The following BANK1 variants were observed in gnomAD, a reference collection of about 807,000 sequenced individuals.
BANK1 encodes the protein B-cell scaffold protein with ankyrin repeats.
BANK1 carries 95 observed loss-of-function variants against 94.5 expected under a neutral mutation model. The observed-to-expected ratio is 1.00, with a 90% CI of 0.85 to 1.19. The LOEUF (loss-of-function observed/expected upper bound fraction) is 1.19, where lower values mean the gene tolerates loss of function less well. Ranked by LOEUF, BANK1 falls within the 50% of genes most tolerant of loss-of-function variation. The pLI, the probability that BANK1 is intolerant of heterozygous loss-of-function variation, is 0.00. For missense variants in BANK1, 987 were observed against 932.2 expected (o/e 1.06, Z -0.77); for synonymous variants, 334 against 308.4 (o/e 1.08, Z -0.87).
intron 7 of BANK1, among the ~76,000 whole-genome samples, chr4:102,014,469 C>CT (rs1276115279): frequency 6.6e-6 from 1 of 152,106 alleles, no homozygotes; most frequent in East Asian, 1.9e-4. Flanking sequence ...GAAATTATCT[C>CT]TTAGATTCTA....
intron 7 of BANK1, among the ~76,000 whole-genome samples, chr4:101,965,034 C>A (rs902263627): frequency 6.7e-6 from 1 of 148,898 alleles, no homozygotes; most frequent in African/African-American, 2.5e-5. Context: ...TTTGTTCTTG[C>A]GATAGTTTAC....
intron 5 of BANK1, among the ~76,000 whole-genome samples, chr4:101,878,991 C>CA (rs34061204): frequency 0.46 from 68,040 of 148,664 alleles, 16,660 homozygotes; most frequent in African/African-American, 0.65. Context: ...GTGCCTATGT[C>CA]AAAAAAAAAG....
intron 7 of BANK1, among the ~76,000 whole-genome samples, chr4:101,955,439 T>C (rs1724304563): frequency 6.6e-6 from 1 of 152,180 alleles, no homozygotes; most frequent in African/African-American, 2.4e-5. Flanking sequence ...CTTCCTTCTA[T>C]CTATAATACT....
intron 7 of BANK1, among the ~76,000 whole-genome samples, chr4:101,975,449 T>C (rs538792307): frequency 6.6e-6 from 1 of 152,290 alleles, no homozygotes; most frequent in Admixed American, 6.5e-5. Flanking sequence ...AGAGAGATTG[T>C]AGAATATGGT....
intron 7 of BANK1, among the ~76,000 whole-genome samples, chr4:101,971,370 T>G (rs1409977655): frequency 6.6e-6 from 1 of 152,086 alleles, no homozygotes; most frequent in African/African-American, 2.4e-5. Flanking sequence ...TGGTAAGACT[T>G]GAGATACAGC....
Position 102,060,265 on chromosome 4 carries a change from A to G in BANK1, c.2024A>G (p.Asp675Gly). 1 of 1,608,056 alleles carries G rather than the reference A, an allele frequency of 6.2e-7. No individual in the cohort carries two copies. Among genetic ancestry groups the G allele is most frequent in the Non-Finnish European group, 8.5e-7 (1 of 1,178,122 alleles). ...TCTACTCTCAGGGGCTGTCTAACTG[A>G]TGGTCAGGAAGAACTCATCCTCCTG... ...AFSTLRGCLTDGQEELILLQE... is the reference protein window; with the variant it reads ...AFSTLRGCLTGGQEELILLQE... The change falls in exon 12 of 17, where the codon GAT becomes GGT. Residue 675 changes from aspartate (D) to glycine (G), a missense_variant. By Grantham distance (94) the Asp-to-Gly change is moderately conservative (BLOSUM62 -1). Transcript: ENST00000322953.
intron 7 of BANK1, among the ~76,000 whole-genome samples, chr4:101,934,446 A>G (rs1723460145): frequency 6.6e-6 from 1 of 151,472 alleles, no homozygotes; most frequent in African/African-American, 2.4e-5. Context: ...GAAACTCTTC[A>G]TCCCTTTGAT....
intron 7 of BANK1, among the ~76,000 whole-genome samples, chr4:101,973,122 A>C (rs2148923946): frequency 6.6e-6 from 1 of 152,048 alleles, no homozygotes; most frequent in African/African-American, 2.4e-5. Flanking sequence ...GTACATTCCA[A>C]ATTTTCTAAG....
chr4:101,862,693 A>G (rs1727926644), intron 4 of BANK1, 29 bp downstream of exon 4: 1 of 1,565,782 alleles, frequency 6.4e-7, no homozygotes, highest in Admixed American at 2.0e-5. Flanking sequence ...TAATAAGCAT[A>G]AAACATTATC....
intron 5 of BANK1, among the ~76,000 whole-genome samples, chr4:101,890,335 TG>T (rs1338880730): frequency 3.3e-5 from 5 of 152,070 alleles, no homozygotes; most frequent in East Asian, 3.9e-4. Flanking sequence ...TCACATTTTT[TG>T]AAGTTTTGTT....
At chr4:101,811,500 G>T (rs1284169047) in intron 1 of BANK1, among the ~76,000 whole-genome samples, 2 of 151,970 alleles carry the variant, frequency 1.3e-5, no homozygotes. Flanking sequence ...ATATACTGCA[G>T]CCCTCCACTC....
At chr4:101,815,624 C>A (rs1560585045) in intron 1 of BANK1, among the ~76,000 whole-genome samples, 1 of 151,966 alleles carries the variant, frequency 6.6e-6, no homozygotes, top group Non-Finnish European at 1.5e-5. Context: ...GGATCAAGTT[C>A]TGACTTTATA....
chr4:102,054,250 G>GTT lies in BANK1; in HGVS notation c.1970-5961_1970-5960insTT, dbSNP rs1426069193. ...TTTGAACTCAATTCTGTTATACTCT[G>GTT]AAGGCCAAACTTGTAATCACCTTCT... is the stretch of plus-strand genomic sequence containing the variant. On this transcript the variant is annotated intron_variant, in intron 11 of 16. Coordinates refer to ENST00000322953, the MANE Select transcript of BANK1 (RefSeq NM_017935.5). Among the ~76,000 whole-genome samples the GTT allele has an allele frequency of 1.9e-4, 29 of 152,206 alleles. 1 individual carries two copies. The South Asian group carries it at 6.0e-3, about 31-fold the overall frequency.
chr4:101,886,014 A>T (rs1036368388), intron 5 of BANK1, among the ~76,000 whole-genome samples: 2 of 152,240 alleles, frequency 1.3e-5, no homozygotes, highest in Non-Finnish European at 2.9e-5. Context: ...AAATATTTTT[A>T]AAAAGTGCAT....
Position 102,060,366 on chromosome 4 carries a change from A to G in BANK1, c.2125A>G (p.Ser709Gly). Residue 709 changes from serine (S) to glycine (G), a missense_variant, in exon 12 of 17, where the codon AGT becomes GGT. Physicochemically the swap from Ser to Gly is moderately conservative, Grantham distance 56 (BLOSUM62 0). Transcript: ENST00000322953. ...ATTTAAACACTGGCAGATGGGAAAA[A>G]GTGGCCTGGAAATGATTCAGCAGGT... is the stretch of plus-strand genomic sequence containing the variant. ...EKFKHWQMGK[S>G]GLEMIQQEKL... 6.2e-7 allele frequency: 1 copy of G among 1,609,358 alleles called. No homozygotes were observed. The highest frequency in any genetic ancestry group is 8.5e-7 in the Non-Finnish European group (1 of 1,178,278).
chr4:102,011,358 A>T (rs1469475383), intron 7 of BANK1, among the ~76,000 whole-genome samples: 2 of 152,250 alleles, frequency 1.3e-5, no homozygotes, highest in East Asian at 3.8e-4. Flanking sequence ...AATTATTTTC[A>T]CAAGTGACCG....
At chr4:102,058,885 G>T (rs973947758) in intron 11 of BANK1, among the ~76,000 whole-genome samples, 3 of 152,076 alleles carry the variant, frequency 2.0e-5, no homozygotes, top group African/African-American at 7.2e-5. Context: ...ATTGGCCACA[G>T]AGAAATTTTC....
intron 7 of BANK1, among the ~76,000 whole-genome samples, chr4:101,975,841 A>G (rs1225673966): frequency 6.6e-6 from 1 of 152,178 alleles, no homozygotes; most frequent in East Asian, 1.9e-4. Context: ...ATGAATATTC[A>G]TATTGTTATA....
intron 7 of BANK1, among the ~76,000 whole-genome samples, chr4:101,950,167 G>C (rs1175565914): frequency 6.6e-6 from 1 of 152,096 alleles, no homozygotes; most frequent in South Asian, 2.1e-4. Flanking sequence ...AATTGATAAA[G>C]TTAGCTGAAG....
Sources: allele counts gnomAD v4.1 joint callset (sites outside exome capture counted in the v4.1 genomes callset), GRCh38; gene constraint gnomAD v4.1.1; transcripts MANE v1.5; gene names NCBI Gene and HGNC (gene_info 2026-07-23, HGNC 2026-07-21).